Variants in FAM167A observed in about 807,000 individuals in gnomAD.
FAM167A encodes the protein protein FAM167A.
Under a neutral mutation model 14.9 loss-of-function variants are expected in FAM167A, and 23 were observed. The observed-to-expected ratio is 1.55, with a 90% CI of 1.11 to 2.19. The LOEUF is 2.19. Ranked by LOEUF, FAM167A falls within the 30% of genes most tolerant of loss-of-function variation. The pLI is 0.00. For synonymous variants in FAM167A, 174 were observed against 117.7 expected, an observed-to-expected ratio of 1.48 and a Z score of -3.10; for missense variants, 401 against 281.5, an observed-to-expected ratio of 1.42 and a Z score of -3.04.
intron 1 of FAM167A, among the ~76,000 whole-genome samples, chr8:11,457,763 C>T (rs752676876): frequency 1.3e-5 from 2 of 152,162 alleles, no homozygotes; most frequent in Non-Finnish European, 2.9e-5. Flanking sequence ...AAAGCTCATC[C>T]GAGGGCTCGC....
chr8:11,438,090 C>A (rs573001113), intron 2 of FAM167A: 2 of 455,712 alleles, frequency 4.4e-6, no homozygotes, highest in Admixed American at 4.7e-5. Flanking sequence ...GGCCTCACCC[C>A]ACCCCAGCAC....
intron 2 of FAM167A, chr8:11,438,199 G>A (rs950829174): frequency 2.2e-6 from 1 of 451,164 alleles, no homozygotes; most frequent in Non-Finnish European, 4.5e-6. Flanking sequence ...ATCGCCATGA[G>A]CTGCTATTCC....
At chr8:11,443,896 T>A in intron 2 of FAM167A, 135 bp downstream of exon 2, 1 of 1,121,962 alleles carries the variant, frequency 8.9e-7, no homozygotes, top group Non-Finnish European at 1.3e-6. Flanking sequence ...AGATTACAGA[T>A]GTGCACTTGG....
chr8:11,462,779 G>A (rs929495724), intron 1 of FAM167A, among the ~76,000 whole-genome samples: 18 of 152,172 alleles, frequency 1.2e-4, no homozygotes, highest in African/African-American at 1.9e-4. Flanking sequence ...CCACTGCCTC[G>A]AAGCAGAAAG....
At chr8:11,451,459 G>C (rs1287486824) in intron 1 of FAM167A, among the ~76,000 whole-genome samples, 1 of 152,260 alleles carries the variant, frequency 6.6e-6, no homozygotes, top group African/African-American at 2.4e-5. Context: ...ATATTAAAGA[G>C]CACAGTGGAT....
Position 11,466,713 on chromosome 8 carries a change from CA to C in FAM167A, c.-486del, listed in dbSNP as rs2117162552. ...GGGTCCGCGCTGCCCGGCCTCAGCT[CA>C]GGGCTCCCGCCTCGCCTCCCCGAGC... On this transcript the variant is annotated 5_prime_UTR_variant, in exon 1 of 3. Transcript: ENST00000284486. The C allele has an allele frequency of 6.6e-6, 1 of 152,472 alleles. No individual in the cohort carries two copies. The highest frequency in any genetic ancestry group is 2.4e-5 in the African/African-American group (1 of 41,580). 9.4% of individuals were successfully genotyped at this position (152,472 alleles called of 1,614,324 possible).
chr8:11,473,837 G>T (rs1007003619), intron 1 of FAM167A, among the ~76,000 whole-genome samples: 5 of 151,892 alleles, frequency 3.3e-5, no homozygotes, highest in South Asian at 2.1e-4. Flanking sequence ...GGGAATGGTG[G>T]TTTTTTTGTT....
At chr8:11,452,377 G>C (rs530803480) in intron 1 of FAM167A, among the ~76,000 whole-genome samples, 1 of 152,244 alleles carries the variant, frequency 6.6e-6, no homozygotes, top group Non-Finnish European at 1.5e-5. Flanking sequence ...GGCTACAGCC[G>C]GACATCAGGG....
chr8:11,453,332 C>G (rs1166868275), intron 1 of FAM167A, among the ~76,000 whole-genome samples: 11 of 152,192 alleles, frequency 7.2e-5, no homozygotes, highest in Non-Finnish European at 1.6e-4. Flanking sequence ...GCCACCATGC[C>G]TGACTCTAAA....
At chr8:11,461,315 A>T (rs549661087) in intron 1 of FAM167A, among the ~76,000 whole-genome samples, 107 of 152,354 alleles carry the variant, frequency 7.0e-4, no homozygotes, top group African/African-American at 2.2e-3. Flanking sequence ...CATGGGAAAA[A>T]AAGAGAAGGA....
intron 2 of FAM167A, 90 bp from the exon 3 acceptor site, chr8:11,424,726 C>G: frequency 6.6e-7 from 1 of 1,512,236 alleles, no homozygotes; most frequent in Non-Finnish European, 8.9e-7. Flanking sequence ...TGACTAATGT[C>G]TTAGTTCATT....
Position 11,444,203 on chromosome 8 carries a change from C to G in FAM167A, c.209G>C (p.Ser70Thr). The G allele has an allele frequency of 6.2e-7, 1 of 1,613,018 alleles. No homozygotes were observed. Among genetic ancestry groups the G allele is most frequent in the East Asian group, 2.2e-5 (1 of 44,870 alleles). Reference protein sequence around the residue: ...FPRPAAEPQASLEEGERGGQE... With the variant: ...FPRPAAEPQATLEEGERGGQE... ...CCCCCCACGCTCCCCCTCCTCCAAG[C>G]TCGCCTGTGGCTCCGCAGCCGGCCT... The change falls in exon 2 of 3, where the codon AGC becomes ACC. Residue 70 changes from serine to threonine, a missense_variant. Coordinates refer to ENST00000284486, the MANE Select transcript of FAM167A (RefSeq NM_053279.3).
At chr8:11,424,952 G>A (rs1805032477) in intron 2 of FAM167A, among the ~76,000 whole-genome samples, 1 of 152,170 alleles carries the variant, frequency 6.6e-6, no homozygotes, top group African/African-American at 2.4e-5. Context: ...GATGGAGTAA[G>A]AGTATAAAGG....
chr8:11,423,873 G>A lies in FAM167A; in HGVS notation c.*500C>T, dbSNP rs1804942847. The A allele has an allele frequency of 6.3e-6, 1 of 157,938 alleles. No individual in the cohort carries two copies. The highest frequency in any genetic ancestry group is 1.4e-5 in the Non-Finnish European group (1 of 71,128). 9.8% of individuals were successfully genotyped at this position (157,938 alleles called of 1,614,324 possible). A position where few individuals can be genotyped will look rare whatever the true frequency, so the allele number is the denominator to read the frequency against. On this transcript the variant is annotated 3_prime_UTR_variant, in exon 3 of 3. Coordinates refer to ENST00000284486, the MANE Select transcript of FAM167A (RefSeq NM_053279.3). ...CCCTTCCTAGTAGCTCCCTGTCAAT[G>A]TTGCTGAGTCATGTACTTAGGGTGA...
chr8:11,450,743 C>G (rs989503541), intron 1 of FAM167A, among the ~76,000 whole-genome samples: 1 of 152,220 alleles, frequency 6.6e-6, no homozygotes, highest in African/African-American at 2.4e-5. Flanking sequence ...AGCGACCTGT[C>G]CTTGCTCAAA....
At chr8:11,430,268 G>A (rs1310036554) in intron 2 of FAM167A, among the ~76,000 whole-genome samples, 5 of 152,216 alleles carry the variant, frequency 3.3e-5, no homozygotes, top group Non-Finnish European at 7.3e-5. Context: ...GATGTCATTG[G>A]TCGGGGGCTG....
chr8:11,444,177 GC>G lies in FAM167A; in HGVS notation c.234del (p.Gln79ArgfsTer7). On this transcript the variant is annotated frameshift_variant, in exon 2 of 3. Coordinates refer to ENST00000284486, the MANE Select transcript of FAM167A (RefSeq NM_053279.3). LOFTEE classifies it high-confidence loss of function. ...TCTCTCAGGGGGAGCAAGGGCTCCT[GC>G]CCCCCACGCTCCCCCTCCTCCAAGC... ...QASLEEGERGGQEPLLPLREA... is the reference protein window; with the variant it reads ...QASLEEGERGXQEPLLPLREA... 3 of 1,612,882 alleles carry G rather than the reference GC, an allele frequency of 1.9e-6. No individual in the cohort carries two copies. The highest frequency in any genetic ancestry group is 2.5e-6 in the Non-Finnish European group (3 of 1,179,796).
chr8:11,441,717 T>G (rs1806449638), intron 2 of FAM167A, among the ~76,000 whole-genome samples: 1 of 152,198 alleles, frequency 6.6e-6, no homozygotes, highest in African/African-American at 2.4e-5. Context: ...GACCTCAATT[T>G]ATCCATCCAT....
At chr8:11,465,011 G>C (rs1475400243) in intron 1 of FAM167A, among the ~76,000 whole-genome samples, 3 of 152,200 alleles carry the variant, frequency 2.0e-5, no homozygotes, top group Non-Finnish European at 2.9e-5. Context: ...GAGCAAGTGC[G>C]CAGGGAGTCT....
Sources: allele counts gnomAD v4.1 joint callset (sites outside exome capture counted in the v4.1 genomes callset), GRCh38; gene constraint gnomAD v4.1.1; transcripts MANE v1.5; gene names NCBI Gene and HGNC (gene_info 2026-07-23, HGNC 2026-07-21).